RAB40B: variants seen among roughly 807,000 people sequenced by gnomAD.
RAB40B encodes the protein RAB40B, member RAS oncogene family, also known as ras-related protein Rab-40B.
In RAB40B, 21 loss-of-function variants were observed where a neutral mutation model predicts 24.0. That is an observed-to-expected ratio of 0.88 (90% confidence interval 0.62 to 1.26). The LOEUF is 1.26. Among genes scored for constraint, RAB40B ranks in the 50% most tolerant of loss-of-function variants. RAB40B has a pLI of 0.00. For synonymous variants in RAB40B, 167 were observed against 169.8 expected (o/e 0.98, Z 0.13); for missense variants, 348 against 390.5 (o/e 0.89, Z 0.92).
intron 1 of RAB40B, among the ~76,000 whole-genome samples, chr17:82,677,572 C>T (rs765950087): frequency 6.6e-6 from 1 of 152,188 alleles, no homozygotes; most frequent in Non-Finnish European, 1.5e-5. Context: ...GCCCTGACGC[C>T]GCGTCTCTGT....
intron 1 of RAB40B, among the ~76,000 whole-genome samples, chr17:82,674,615 G>A (rs1455386112): frequency 4.7e-5 from 7 of 149,564 alleles, no homozygotes; most frequent in African/African-American, 1.7e-4. Flanking sequence ...CTCCAGCCTG[G>A]GCGACAGAGC....
chr17:82,687,555 A>G (rs973009431), intron 1 of RAB40B, among the ~76,000 whole-genome samples: 13 of 152,186 alleles, frequency 8.5e-5, no homozygotes, highest in Non-Finnish European at 1.8e-4. Context: ...TAAAGTAAAA[A>G]CAGCCTGAGG....
At chr17:82,674,545 A>G (rs1387612661) in intron 1 of RAB40B, among the ~76,000 whole-genome samples, 1 of 148,264 alleles carries the variant, frequency 6.7e-6, no homozygotes, top group East Asian at 2.0e-4. Flanking sequence ...AGGCTGAGGC[A>G]GGAGAATGGC....
At chr17:82,671,278 T>C (rs2046328995) in intron 1 of RAB40B, among the ~76,000 whole-genome samples, 1 of 123,788 alleles carries the variant, frequency 8.1e-6, no homozygotes, top group Admixed American at 8.3e-5. Context: ...CAGTCACACA[T>C]CCTGTACTCA....
At chr17:82,662,620 T>C (rs918899177) in intron 2 of RAB40B, 3 of 984,670 alleles carry the variant, frequency 3.0e-6, no homozygotes, top group East Asian at 2.3e-4. Context: ...ACGGTGGGAG[T>C]GTGACCTTGC....
intron 1 of RAB40B, among the ~76,000 whole-genome samples, chr17:82,693,339 A>G (rs1261250296): frequency 1.3e-5 from 2 of 152,110 alleles, no homozygotes; most frequent in African/African-American, 2.4e-5. Flanking sequence ...GGAATTTCGC[A>G]TAGACGTATG....
chr17:82,679,928 G>A (rs527439412), intron 1 of RAB40B, among the ~76,000 whole-genome samples: 116 of 152,364 alleles, frequency 7.6e-4, no homozygotes, highest in African/African-American at 2.6e-3. Flanking sequence ...AAGAGACATC[G>A]TCTTGGGGAA....
chr17:82,660,365 G>A (rs957719895), intron 3 of RAB40B, among the ~76,000 whole-genome samples: 51 of 128,376 alleles, frequency 4.0e-4, no homozygotes, highest in Middle Eastern at 0.014. Flanking sequence ...ACACACACAC[G>A]CACAGGCACT....
At chr17:82,670,392 C>T (rs981055195) in intron 1 of RAB40B, among the ~76,000 whole-genome samples, 7 of 151,988 alleles carry the variant, frequency 4.6e-5, no homozygotes, top group African/African-American at 1.7e-4. Flanking sequence ...ACCATGTTAT[C>T]CAGGTTGGTT....
chr17:82,671,525 C>CT (rs1215878685), intron 1 of RAB40B, among the ~76,000 whole-genome samples: 54 of 144,880 alleles, frequency 3.7e-4, no homozygotes, highest in Non-Finnish European at 6.5e-4. Flanking sequence ...CCCTGTAACT[C>CT]TAACACACAC....
chr17:82,691,258 A>G (rs1306001760), intron 1 of RAB40B, among the ~76,000 whole-genome samples: 2 of 152,228 alleles, frequency 1.3e-5, no homozygotes, highest in African/African-American at 4.8e-5. Flanking sequence ...TATGCTGGGA[A>G]AAGGACACTG....
chr17:82,674,228 C>A (rs545025480), intron 1 of RAB40B, among the ~76,000 whole-genome samples: 1 of 149,766 alleles, frequency 6.7e-6, no homozygotes, highest in Non-Finnish European at 1.5e-5. Context: ...TAATCCCAGC[C>A]ACTCAGGAGG....
In RAB40B at chr17:82,658,150, A is replaced by G. The variant is rs770344413; in HGVS notation, c.566-16T>C. On this transcript the variant is annotated splice_polypyrimidine_tract_variant and intron_variant, in intron 5 of 5. Transcript: ENST00000571995. ...AAGCTCAGCACTTGGGAGAGAAAAG[A>G]TAAACCTTGCTTAGTGGATGTCCCC... is the stretch of plus-strand genomic sequence containing the variant. 4 of 1,609,072 alleles carry G rather than the reference A, an allele frequency of 2.5e-6. No homozygotes were observed. In the East Asian group the frequency reaches 8.9e-5, roughly 36 times the overall value.
rs772239461 is a variant in RAB40B at position 82,658,124 on chromosome 17, C to T, written c.576G>A (p.Leu192=). The T allele has an allele frequency of 6.2e-7, 1 of 1,613,872 alleles. No individual in the cohort carries two copies. The highest frequency in any genetic ancestry group is 2.2e-5 in the East Asian group (1 of 44,884). ...RLWRPSKVLS[L]QDLCCRAVVS... Reference sequence around the variant, plus strand: ...CGACCGCCCGGCAGCAGAGGTCTTGCAAGCTCAGCACTTGGGAGAGAAAAG... The same window carrying T: ...CGACCGCCCGGCAGCAGAGGTCTTGTAAGCTCAGCACTTGGGAGAGAAAAG... The change falls in exon 6 of 6, where the codon TTG becomes TTA. Residue 192 remains leucine, a synonymous_variant. Transcript: ENST00000571995.
At chr17:82,679,192 C>A (rs1489946101) in intron 1 of RAB40B, among the ~76,000 whole-genome samples, 1 of 151,732 alleles carries the variant, frequency 6.6e-6, no homozygotes, top group Non-Finnish European at 1.5e-5. Context: ...CCTTTCTGAA[C>A]AGTCAGGAGC....
intron 1 of RAB40B, among the ~76,000 whole-genome samples, chr17:82,674,067 G>A (rs540147410): frequency 8.5e-5 from 13 of 152,256 alleles, no homozygotes; most frequent in Admixed American, 3.3e-4. Context: ...CTGGCCAGGC[G>A]CGGTGGCTCG....
In RAB40B at chr17:82,663,873, G is replaced by A. The variant is rs2046208442; in HGVS notation, c.203+623C>T. Among the ~76,000 whole-genome samples, 1 of 152,158 alleles carries A rather than the reference G, an allele frequency of 6.6e-6. No homozygotes were observed. Among genetic ancestry groups the A allele is most frequent in the South Asian group, 2.1e-4 (1 of 4,830 alleles). ...CCAGCCACAGCGCTATGTCCGTTCT[G>A]GGGTCCCCTACTCTGGATGACGGGG... On this transcript the variant is annotated intron_variant, in intron 2 of 5. Transcript: ENST00000571995. The surrounding 1 kb of genome is among the most constrained non-coding windows in gnomAD (Gnocchi z 6.2).
chr17:82,658,810 G>A (rs1047624887), intron 4 of RAB40B, 97 bp from the exon 5 acceptor site: 4 of 1,105,576 alleles, frequency 3.6e-6, no homozygotes, highest in Admixed American at 2.7e-5. Context: ...CCCCCCACGA[G>A]TTCATGTCCA....
chr17:82,693,140 A>G (rs2046575392), intron 1 of RAB40B, among the ~76,000 whole-genome samples: 1 of 151,906 alleles, frequency 6.6e-6, no homozygotes, highest in Admixed American at 6.6e-5. Flanking sequence ...GTAGCTGGGA[A>G]TACAGGTGCC....
Sources: allele counts gnomAD v4.1 joint callset (sites outside exome capture counted in the v4.1 genomes callset), GRCh38; gene constraint gnomAD v4.1.1; non-coding constraint Gnocchi (gnomAD v3.1); transcripts MANE v1.5; gene names NCBI Gene and HGNC (gene_info 2026-07-23, HGNC 2026-07-21).